PATJ: variants seen among roughly 807,000 people sequenced by gnomAD.
PATJ encodes PATJ crumbs cell polarity complex component, also known as inaD-like protein.
PATJ carries 190 observed loss-of-function variants against 224.9 expected under a neutral mutation model. That is an observed-to-expected ratio of 0.84 (90% CI 0.75 to 0.95). The LOEUF (loss-of-function observed/expected upper bound fraction) is 0.95. Among genes scored for constraint, PATJ ranks in the 40% least tolerant of loss-of-function variants. PATJ has a pLI of 0.00. For missense variants in PATJ, 2,121 were observed against 2,270.3 expected, an observed-to-expected ratio of 0.93 and a Z score of 1.34; for synonymous variants, 769 against 820.3, an observed-to-expected ratio of 0.94 and a Z score of 1.07.
intron 29 of PATJ, among the ~76,000 whole-genome samples, chr1:62,033,492 C>T (rs148886791): frequency 2.9e-4 from 44 of 152,310 alleles, no homozygotes; most frequent in African/African-American, 9.4e-4. Flanking sequence ...ACATTGCACT[C>T]CTGATCTTTA....
At chr1:61,888,601 G>T (rs537492863) in intron 22 of PATJ, among the ~76,000 whole-genome samples, 40 of 152,290 alleles carry the variant, frequency 2.6e-4, no homozygotes, top group African/African-American at 9.1e-4. Context: ...TTTGCTTAGT[G>T]TGAATAGTTG....
intron 37 of PATJ, among the ~76,000 whole-genome samples, chr1:62,118,707 G>A (rs1483247917): frequency 6.6e-6 from 1 of 152,108 alleles, no homozygotes; most frequent in East Asian, 1.9e-4. Context: ...TCAGCTCACT[G>A]TAATCTTCGC....
At chr1:61,812,431 A>AGTGT (rs1315887673) in intron 14 of PATJ, among the ~76,000 whole-genome samples, 35 of 109,104 alleles carry the variant, frequency 3.2e-4, no homozygotes, top group African/African-American at 1.1e-3. Flanking sequence ...AGAGAGAGAG[A>AGTGT]GAGTGTGTGT....
At chr1:62,044,827 T>C (rs1652218276) in intron 30 of PATJ, among the ~76,000 whole-genome samples, 1 of 152,192 alleles carries the variant, frequency 6.6e-6, no homozygotes, top group Non-Finnish European at 1.5e-5. Flanking sequence ...TCACATGTGG[T>C]AAACAAGGTT....
chr1:61,906,656 T>A (rs1332427844), intron 24 of PATJ, among the ~76,000 whole-genome samples: 1 of 152,198 alleles, frequency 6.6e-6, no homozygotes, highest in Non-Finnish European at 1.5e-5. Flanking sequence ...TCCTTGCATG[T>A]GCTTCCTACT....
intron 25 of PATJ, among the ~76,000 whole-genome samples, chr1:61,913,706 A>T (rs1423973045): frequency 1.3e-5 from 2 of 152,204 alleles, no homozygotes; most frequent in Non-Finnish European, 2.9e-5. Context: ...ACTCTCATTA[A>T]GCTTATTCAG....
At chr1:61,786,847 G>A (rs757616882) in intron 7 of PATJ, among the ~76,000 whole-genome samples, 1 of 152,062 alleles carries the variant, frequency 6.6e-6, no homozygotes, top group African/African-American at 2.4e-5. Context: ...TTAGCCGAGC[G>A]TGGTGGTGCG....
At chr1:61,861,509 A>G in intron 18 of PATJ, 42 bp from the exon 19 acceptor site, 1 of 922,730 alleles carries the variant, frequency 1.1e-6, no homozygotes, top group Non-Finnish European at 1.7e-6. Flanking sequence ...CCCACCCCAC[A>G]ATATTTTCTT....
intron 18 of PATJ, among the ~76,000 whole-genome samples, chr1:61,857,921 A>G (rs749514041): frequency 1.3e-5 from 2 of 152,152 alleles, no homozygotes; most frequent in African/African-American, 2.4e-5. Flanking sequence ...TTTAACTCCA[A>G]TTCTTTAATG....
intron 33 of PATJ, among the ~76,000 whole-genome samples, chr1:62,091,196 A>G (rs1660688818): frequency 6.6e-6 from 1 of 152,154 alleles, no homozygotes; most frequent in South Asian, 2.1e-4. Context: ...CCCTCTTTCT[A>G]TGCATTTTCC....
At chr1:62,106,275 G>T (rs1663037122) in intron 33 of PATJ, among the ~76,000 whole-genome samples, 1 of 142,124 alleles carries the variant, frequency 7.0e-6, no homozygotes, top group Non-Finnish European at 1.5e-5. Flanking sequence ...GTTGAGACCA[G>T]CATGGGCAAC....
intron 27 of PATJ, among the ~76,000 whole-genome samples, chr1:61,936,682 G>A (rs1003997924): frequency 3.3e-5 from 5 of 151,676 alleles, no homozygotes; most frequent in East Asian, 3.9e-4. Flanking sequence ...AGCGATTCTC[G>A]TGCCTCAGCC....
chr1:61,772,106 G>GTTTTT (rs753366748), intron 6 of PATJ, among the ~76,000 whole-genome samples: 5 of 115,348 alleles, frequency 4.3e-5, no homozygotes, highest in Non-Finnish European at 8.8e-5. Flanking sequence ...CATGACGGTC[G>GTTTTT]TTTTTTTTTT....
intron 30 of PATJ, among the ~76,000 whole-genome samples, chr1:62,048,745 A>G (rs1653040433): frequency 6.6e-6 from 1 of 152,098 alleles, no homozygotes; most frequent in African/African-American, 2.4e-5. Flanking sequence ...AAACAAGTTA[A>G]GTTACAGGTG....
chr1:61,990,117 A>C, intron 27 of PATJ, 51 bp from the exon 28 acceptor site: 1 of 1,287,234 alleles, frequency 7.8e-7, no homozygotes, highest in Non-Finnish European at 1.1e-6. Flanking sequence ...TGACATCTCA[A>C]TAATACAGAT....
intron 28 of PATJ, among the ~76,000 whole-genome samples, chr1:62,016,887 A>G (rs1295645866): frequency 1.3e-5 from 2 of 152,228 alleles, no homozygotes; most frequent in African/African-American, 4.8e-5. Flanking sequence ...AGCTCCAGTG[A>G]ATACCACAAT....
At chr1:61,791,274 C>T in intron 8 of PATJ, 74 bp from the exon 9 acceptor site, 1 of 861,260 alleles carries the variant, frequency 1.2e-6, no homozygotes, top group South Asian at 1.6e-5. Context: ...ACTTGACAAA[C>T]CTTGCACAGA....
chr1:61,983,888 G>T (rs1644588887), intron 27 of PATJ, among the ~76,000 whole-genome samples: 1 of 145,492 alleles, frequency 6.9e-6, no homozygotes, highest in Admixed American at 6.9e-5. Flanking sequence ...GCAGTGGCGT[G>T]ACTGTGGCTC....
At chr1:62,148,206 T>C (rs1668263790) in intron 41 of PATJ, 78 bp from the exon 42 acceptor site, 4 of 911,744 alleles carry the variant, frequency 4.4e-6, no homozygotes, top group Admixed American at 1.8e-5. Flanking sequence ...GATTGAGAAC[T>C]GACCCTTGGA....
Sources: allele counts gnomAD v4.1 joint callset (sites outside exome capture counted in the v4.1 genomes callset), GRCh38; gene constraint gnomAD v4.1.1; transcripts MANE v1.5; gene names NCBI Gene and HGNC (gene_info 2026-07-23, HGNC 2026-07-21).